CCDC171: variants seen among roughly 807,000 people sequenced by gnomAD.
CCDC171 encodes coiled-coil domain-containing protein 171.
CCDC171 carries 177 observed loss-of-function variants against 168.2 expected under a neutral mutation model. The observed-to-expected ratio is 1.05, with a 90% CI of 0.93 to 1.19. The LOEUF (loss-of-function observed/expected upper bound fraction) is 1.19, where lower values mean the gene tolerates loss of function less well. CCDC171 is among the 50% of genes most tolerant of loss of function. The pLI is 0.00. For missense variants in CCDC171, 1,991 were observed against 1,539.0 expected (o/e 1.29, Z -4.91); for synonymous variants, 687 against 540.8 (o/e 1.27, Z -3.75).
intron 21 of CCDC171, among the ~76,000 whole-genome samples, chr9:15,828,384 A>G (rs1361705550): frequency 6.6e-6 from 1 of 151,888 alleles, no homozygotes; most frequent in Non-Finnish European, 1.5e-5. Flanking sequence ...TTTTATTGAG[A>G]AAGTGTTCAG....
chr9:16,051,571 G>T (rs1833750403), intron 1 of CCDC171, among the ~76,000 whole-genome samples: 1 of 152,104 alleles, frequency 6.6e-6, no homozygotes, highest in South Asian at 2.1e-4. Flanking sequence ...ATCCTTTGTT[G>T]TTTTCCTAAA....
chr9:15,785,485 T>C (rs556440933), intron 21 of CCDC171, among the ~76,000 whole-genome samples: 1 of 152,234 alleles, frequency 6.6e-6, no homozygotes, highest in South Asian at 2.1e-4. Context: ...AATGATAAAA[T>C]AGCCAAAATT....
intron 7 of CCDC171, among the ~76,000 whole-genome samples, chr9:15,637,088 T>A (rs527464602): frequency 4.6e-5 from 7 of 152,016 alleles, no homozygotes; most frequent in Non-Finnish European, 1.0e-4. Context: ...AAACCCCATC[T>A]CTATTAAAAA....
chr9:15,997,879 C>A (rs1215305053), intron 3 of CCDC171, among the ~76,000 whole-genome samples: 1 of 152,090 alleles, frequency 6.6e-6, no homozygotes, highest in East Asian at 1.9e-4. Context: ...GCATATTTAC[C>A]CCACAGTGGA....
intron 11 of CCDC171, among the ~76,000 whole-genome samples, chr9:15,699,975 G>C (rs2051574220): frequency 6.6e-6 from 1 of 152,260 alleles, no homozygotes. Flanking sequence ...AGCCCAACTG[G>C]CTTCACCCAG....
At chr9:15,629,991 A>G (rs1308484569) in intron 7 of CCDC171, among the ~76,000 whole-genome samples, 1 of 152,220 alleles carries the variant, frequency 6.6e-6, no homozygotes, top group Non-Finnish European at 1.5e-5. Context: ...AGATTTTGTC[A>G]CCACCAGGCC....
chr9:16,078,523 G>T, the CCDC171 span, among the ~76,000 whole-genome samples: 1 of 152,176 alleles, frequency 6.6e-6, no homozygotes, highest in Non-Finnish European at 1.5e-5. Context: ...CTCTGCTGAT[G>T]GGGCTTCTCT....
chr9:15,855,113 T>C (rs1266416594), intron 23 of CCDC171, among the ~76,000 whole-genome samples: 1 of 151,730 alleles, frequency 6.6e-6, no homozygotes, highest in African/African-American at 2.4e-5. Flanking sequence ...GTTGTTCAAG[T>C]CTTCTAAATC....
downstream of CCDC171, among the ~76,000 whole-genome samples, chr9:15,975,612 C>T (rs553108101): frequency 3.3e-5 from 5 of 152,296 alleles, no homozygotes; most frequent in South Asian, 1.0e-3. Flanking sequence ...CTCTCAGAAG[C>T]AGAGTCTCTG....
intron 4 of CCDC171, among the ~76,000 whole-genome samples, chr9:15,584,049 A>T (rs1002450631): frequency 6.6e-6 from 1 of 152,064 alleles, no homozygotes; most frequent in South Asian, 2.1e-4. Flanking sequence ...TTGTATTTTT[A>T]GTAGAGACGG....
At chr9:16,082,772 C>A in the CCDC171 span, among the ~76,000 whole-genome samples, 9 of 152,178 alleles carry the variant, frequency 5.9e-5, no homozygotes, top group African/African-American at 1.9e-4. Context: ...ACAAATCATT[C>A]TTCTCAGGTG....
At chr9:15,816,285 T>G (rs534602967) in intron 21 of CCDC171, among the ~76,000 whole-genome samples, 1 of 117,852 alleles carries the variant, frequency 8.5e-6, no homozygotes, top group Non-Finnish European at 1.9e-5. Context: ...TGTATAAACT[T>G]TTTTACAAAC....
intron 7 of CCDC171, among the ~76,000 whole-genome samples, chr9:15,626,858 T>A (rs1210738468): frequency 6.6e-6 from 1 of 152,242 alleles, no homozygotes; most frequent in Non-Finnish European, 1.5e-5. Context: ...GTTCCCTCTT[T>A]TTCTAATGAT....
chr9:15,597,810 C>T (rs1404998503), intron 6 of CCDC171, among the ~76,000 whole-genome samples: 1 of 152,100 alleles, frequency 6.6e-6, no homozygotes, highest in Non-Finnish European at 1.5e-5. Flanking sequence ...TTAATTATTG[C>T]CTCAATTTCA....
chr9:15,929,386 T>C (rs931920007), intron 25 of CCDC171, among the ~76,000 whole-genome samples: 3 of 151,768 alleles, frequency 2.0e-5, no homozygotes, highest in African/African-American at 7.2e-5. Context: ...ATCTGCACTT[T>C]GATTTTCTGC....
chr9:15,903,620 C>T (rs1201329115), intron 24 of CCDC171, among the ~76,000 whole-genome samples: 1 of 152,190 alleles, frequency 6.6e-6, no homozygotes, highest in South Asian at 2.1e-4. Context: ...ATCAGAGTGC[C>T]TCTCCTCCTC....
At chr9:15,568,610 T>G (rs969607531) in intron 2 of CCDC171, among the ~76,000 whole-genome samples, 2 of 152,232 alleles carry the variant, frequency 1.3e-5, no homozygotes, top group Non-Finnish European at 2.9e-5. Flanking sequence ...CTGACTGGTG[T>G]GAGATGGTAT....
chr9:16,086,832 A>G, the CCDC171 span, among the ~76,000 whole-genome samples: 2 of 152,120 alleles, frequency 1.3e-5, no homozygotes, highest in Non-Finnish European at 2.9e-5. Flanking sequence ...TAAATGTTTG[A>G]TAATAGTTCT....
chr9:15,988,329 C>T (rs1002513167), intron 3 of CCDC171, among the ~76,000 whole-genome samples: 3 of 152,150 alleles, frequency 2.0e-5, no homozygotes, highest in African/African-American at 7.2e-5. Context: ...GAAGTGAGTC[C>T]TCAAGGGATG....
Sources: allele counts gnomAD v4.1 joint callset (sites outside exome capture counted in the v4.1 genomes callset), GRCh38; gene constraint gnomAD v4.1.1; transcripts MANE v1.5; gene names NCBI Gene and HGNC (gene_info 2026-07-23, HGNC 2026-07-21).